Variants in CYRIA observed in about 807,000 individuals in gnomAD.
CYRIA encodes CYFIP related Rac1 interactor A.
A neutral mutation model predicts 43.9 loss-of-function variants in CYRIA; 15 were observed. That is an observed-to-expected ratio of 0.34 (90% CI 0.23 to 0.53). The LOEUF (loss-of-function observed/expected upper bound fraction) is 0.53. Among genes scored for constraint, CYRIA ranks in the 20% least tolerant of loss-of-function variants. The pLI, the probability that CYRIA is intolerant of heterozygous loss-of-function variation, is 0.94. For missense variants in CYRIA, 236 were observed against 394.2 expected, an observed-to-expected ratio of 0.60 and a Z score of 3.40; for synonymous variants, 117 against 136.0, an observed-to-expected ratio of 0.86 and a Z score of 0.97.
At chr2:16,559,200 T>C (rs1275403937) in intron 10 of CYRIA, among the ~76,000 whole-genome samples, 1 of 152,196 alleles carries the variant, frequency 6.6e-6, no homozygotes, top group Non-Finnish European at 1.5e-5. Flanking sequence ...ACTAAGTGAC[T>C]GTTCATTTGC....
intron 1 of CYRIA, among the ~76,000 whole-genome samples, chr2:16,636,239 G>C (rs1386165516): frequency 6.6e-6 from 1 of 152,080 alleles, no homozygotes; most frequent in Non-Finnish European, 1.5e-5. Flanking sequence ...ACCTCCCTCT[G>C]TGTCTCCCTG....
At position 16,623,859 on chromosome 2, in the gene CYRIA, CT is replaced by C. The variant is rs1219200022; in HGVS notation, c.-11+4del. On this transcript the variant is annotated splice_donor_region_variant and intron_variant, in intron 2 of 11. Transcript: ENST00000381323. ...ACGTTATAACGAAAGTCAATTGTTT[CT>C]TACCTGGAAATATCTCCTGTGATTC... 2.0e-5 allele frequency: 3 copies of C among 152,190 alleles called. No individual in the cohort carries two copies. The highest frequency in any genetic ancestry group is 6.5e-5 in the Admixed American group (1 of 15,270). 9.4% of individuals were successfully genotyped at this position (152,190 alleles called of 1,614,324 possible). A position where few individuals can be genotyped will look rare whatever the true frequency, so the allele number is the denominator to read the frequency against.
chr2:16,555,588 T>A (rs1666477885), intron 10 of CYRIA, among the ~76,000 whole-genome samples: 1 of 152,164 alleles, frequency 6.6e-6, no homozygotes, highest in Non-Finnish European at 1.5e-5. Flanking sequence ...ATGTTTTCTG[T>A]CCTTCACCTG....
chr2:16,610,992 T>C (rs1034497900), intron 2 of CYRIA, among the ~76,000 whole-genome samples: 6 of 147,872 alleles, frequency 4.1e-5, no homozygotes, highest in Admixed American at 1.4e-4. Context: ...ACCTATCTGT[T>C]GAACTTCTTG....
At position 16,582,264 on chromosome 2, in the gene CYRIA, C is replaced by T. The variant is rs117215513; in HGVS notation, c.70+5786G>A. Among the ~76,000 whole-genome samples the T allele has an allele frequency of 6.8e-4, 104 of 152,156 alleles. 1 individual carries two copies. The East Asian group carries it at 0.011, about 17-fold the overall frequency. ...AGAGAAATAATATATTCTGTGATGA[C>T]GGAATAATGTCAGCATTAGGCAGAA... On this transcript the variant is annotated intron_variant, in intron 3 of 11. Coordinates refer to ENST00000381323, the MANE Select transcript of CYRIA (RefSeq NM_030797.4).
chr2:16,633,257 G>A (rs1669382221), intron 1 of CYRIA, among the ~76,000 whole-genome samples: 1 of 152,020 alleles, frequency 6.6e-6, no homozygotes, highest in Admixed American at 6.5e-5. Flanking sequence ...ATCCTTCAAG[G>A]CCAGCAGCAG....
chr2:16,561,088 T>A lies in CYRIA; in HGVS notation c.631-19A>T, dbSNP rs755946127. On this transcript the variant is annotated intron_variant, in intron 8 of 11. Transcript: ENST00000381323. ...TTTTGTTCTAAATGGGAGACACAAA[T>A]GTACATTAGTCCTGCTTGCAGCTCT... 3 of 1,612,658 alleles carry A rather than the reference T, an allele frequency of 1.9e-6. No individual in the cohort carries two copies. In the South Asian group the frequency reaches 3.3e-5, roughly 18 times the overall value.
intron 2 of CYRIA, among the ~76,000 whole-genome samples, chr2:16,604,730 C>G (rs1668331134): frequency 6.6e-6 from 1 of 152,210 alleles, no homozygotes; most frequent in Non-Finnish European, 1.5e-5. Context: ...TTCTGGGAGC[C>G]TGTATTTGCT....
intron 1 of CYRIA, among the ~76,000 whole-genome samples, chr2:16,645,567 C>T (rs1473387831): frequency 6.6e-6 from 1 of 152,192 alleles, no homozygotes; most frequent in Non-Finnish European, 1.5e-5. Flanking sequence ...TGTATTCTAC[C>T]TTCAAGGTGA....
intron 2 of CYRIA, among the ~76,000 whole-genome samples, chr2:16,622,730 G>A (rs772385538): frequency 2.6e-5 from 4 of 152,216 alleles, no homozygotes; most frequent in Non-Finnish European, 4.4e-5. Flanking sequence ...CTGAAGTCAT[G>A]TGTGTCTAAG....
At chr2:16,559,644 G>A (rs1666656168) in intron 9 of CYRIA, 58 bp from the exon 10 acceptor site, 6 of 1,583,020 alleles carry the variant, frequency 3.8e-6, no homozygotes, top group Non-Finnish European at 5.2e-6. Flanking sequence ...TGCGTTCTTT[G>A]GCCCCACAAC....
chr2:16,601,117 G>A (rs1185116623), intron 2 of CYRIA, among the ~76,000 whole-genome samples: 1 of 152,012 alleles, frequency 6.6e-6, no homozygotes, highest in Non-Finnish European at 1.5e-5. Context: ...GATTCCAAAG[G>A]GGTTGGCTCT....
chr2:16,640,120 C>T (rs1276858127), intron 1 of CYRIA, among the ~76,000 whole-genome samples: 1 of 152,216 alleles, frequency 6.6e-6, no homozygotes, highest in East Asian at 1.9e-4. Context: ...CATGCATGCG[C>T]CTGCACGCAC....
chr2:16,593,599 C>A (rs1484582993), intron 2 of CYRIA, among the ~76,000 whole-genome samples: 1 of 151,506 alleles, frequency 6.6e-6, no homozygotes, highest in Non-Finnish European at 1.5e-5. Flanking sequence ...AATTCCCGAA[C>A]ATAAACAAAT....
chr2:16,612,851 G>A (rs968486962), intron 2 of CYRIA, among the ~76,000 whole-genome samples: 4 of 152,176 alleles, frequency 2.6e-5, no homozygotes, highest in Non-Finnish European at 4.4e-5. Context: ...CCATAATCCC[G>A]ACATGTCGTG....
intron 2 of CYRIA, among the ~76,000 whole-genome samples, chr2:16,617,573 C>T (rs1668846570): frequency 6.6e-6 from 1 of 152,234 alleles, no homozygotes. Context: ...TGGTAGCTGC[C>T]TCATTAAGGC....
At position 16,581,732 on chromosome 2, in the gene CYRIA, C is replaced by A. The variant is rs139595747; in HGVS notation, c.70+6318G>T. ...AGGTATTTACCCAAGGAATATAATG[C>A]CCACAAATATTCTACAAGAATGTTT... On this transcript the variant is annotated intron_variant, in intron 3 of 11. Transcript: ENST00000381323. Among the ~76,000 whole-genome samples, 363 of 152,100 alleles carry A rather than the reference C, an allele frequency of 2.4e-3. 3 individuals are homozygous for A. The highest frequency in any genetic ancestry group is 6.8e-3 in the Middle Eastern group (2 of 294).
At chr2:16,593,187 GATTA>G (rs1192822499) in intron 2 of CYRIA, among the ~76,000 whole-genome samples, 1 of 151,992 alleles carries the variant, frequency 6.6e-6, no homozygotes, top group Non-Finnish European at 1.5e-5. Context: ...CCAATAAATG[GATTA>G]ATGTCCCCAG....
chr2:16,599,620 C>T (rs1668129757), intron 2 of CYRIA, among the ~76,000 whole-genome samples: 4 of 144,288 alleles, frequency 2.8e-5, no homozygotes, highest in South Asian at 2.3e-4. Context: ...CACTGGCCTG[C>T]GCCCACTGTC....
Sources: gnomAD v4.1 joint callset for allele counts (sites outside exome capture counted in the v4.1 genomes callset) on GRCh38, gnomAD v4.1.1 for gene constraint, MANE v1.5 for transcripts, NCBI Gene and HGNC (gene_info 2026-07-23, HGNC 2026-07-21) for gene names.